Variants in MYO1E observed in about 807,000 individuals in gnomAD.
The protein encoded by MYO1E is myosin IE, also known as unconventional myosin-Ie.
A neutral mutation model predicts 151.1 loss-of-function variants in MYO1E; 68 were observed. That is an observed-to-expected ratio of 0.45 (90% CI 0.37 to 0.55). The LOEUF (loss-of-function observed/expected upper bound fraction) is 0.55. Ranked by LOEUF, MYO1E falls within the 20% of genes least tolerant of loss-of-function variation. The pLI, the probability that MYO1E is intolerant of heterozygous loss-of-function variation, is 0.00. For missense variants in MYO1E, 1,363 were observed against 1,389.3 expected (o/e 0.98, Z 0.30); for synonymous variants, 601 against 501.7 (o/e 1.20, Z -2.64).
At chr15:59,204,841 AG>A (rs1433474364) in intron 15 of MYO1E, among the ~76,000 whole-genome samples, 1 of 152,238 alleles carries the variant, frequency 6.6e-6, no homozygotes, top group African/African-American at 2.4e-5. Context: ...AGAAGAGCTC[AG>A]GGGCAAAGTA....
intron 1 of MYO1E, among the ~76,000 whole-genome samples, chr15:59,281,147 C>T (rs975762279): frequency 7.2e-5 from 11 of 152,208 alleles, no homozygotes; most frequent in Non-Finnish European, 1.0e-4. Flanking sequence ...TTTCAGCCTA[C>T]AGGTTCTTTC....
intron 4 of MYO1E, among the ~76,000 whole-genome samples, chr15:59,243,677 T>C (rs1173098579): frequency 6.6e-6 from 1 of 152,142 alleles, no homozygotes; most frequent in Non-Finnish European, 1.5e-5. Flanking sequence ...GTTCATAGTA[T>C]CAGCAAACTT....
intron 1 of MYO1E, among the ~76,000 whole-genome samples, chr15:59,325,654 A>G (rs550423487): frequency 1.3e-5 from 2 of 152,354 alleles, no homozygotes; most frequent in East Asian, 1.9e-4. Context: ...AAATTAATTT[A>G]GCATTTCTTC....
At position 59,178,543 on chromosome 15, in the gene MYO1E, G is replaced by T; in HGVS notation, c.1905-6C>A. 1 of 1,613,818 alleles carries T rather than the reference G, an allele frequency of 6.2e-7. No individual in the cohort carries two copies. Among genetic ancestry groups the T allele is most frequent in the Middle Eastern group, 1.7e-4 (1 of 6,058 alleles). ...CTTTGGTCAGAATGGCATACCTGTG[G>T]GGACATTGGGGAGAAGAGAATCACA... On this transcript the variant is annotated splice_polypyrimidine_tract_variant and splice_region_variant and intron_variant, in intron 18 of 27. Transcript: ENST00000288235.
intron 18 of MYO1E, among the ~76,000 whole-genome samples, chr15:59,180,083 C>T (rs1347398806): frequency 6.6e-6 from 1 of 152,248 alleles, no homozygotes; most frequent in Non-Finnish European, 1.5e-5. Flanking sequence ...GCCTTCTCTG[C>T]TCCTCTCAAA....
intron 1 of MYO1E, among the ~76,000 whole-genome samples, chr15:59,317,085 G>A (rs1250740299): frequency 6.6e-6 from 1 of 152,084 alleles, no homozygotes; most frequent in African/African-American, 2.4e-5. Flanking sequence ...ATGCCAAAAG[G>A]GGCATGTACA....
chr15:59,300,292 A>ACG (rs201724762), intron 1 of MYO1E, among the ~76,000 whole-genome samples: 4,572 of 146,330 alleles, frequency 0.031, 202 homozygotes, highest in African/African-American at 0.11. Context: ...CCTGCCCAGC[A>ACG]CGCGCACACA....
intron 1 of MYO1E, among the ~76,000 whole-genome samples, chr15:59,344,217 G>C (rs548782339): frequency 2.0e-5 from 3 of 152,242 alleles, no homozygotes; most frequent in African/African-American, 4.8e-5. Context: ...CACCACAGCC[G>C]TATCTGCATT....
intron 22 of MYO1E, among the ~76,000 whole-genome samples, chr15:59,165,418 C>T (rs915083940): frequency 7.2e-5 from 11 of 152,152 alleles, no homozygotes; most frequent in Non-Finnish European, 4.4e-5. Flanking sequence ...AAATAATAGC[C>T]ATTTGGGTGG....
intron 16 of MYO1E, among the ~76,000 whole-genome samples, chr15:59,200,396 T>C (rs1346631763): frequency 6.6e-6 from 1 of 152,252 alleles, no homozygotes; most frequent in African/African-American, 2.4e-5. Context: ...TTCAGCAATC[T>C]GCCCCAGTGA....
At chr15:59,208,458 G>A (rs2079855006) in intron 14 of MYO1E, 2 of 619,110 alleles carry the variant, frequency 3.2e-6, no homozygotes. Flanking sequence ...TCATTTATAT[G>A]CTGTAAAAAA....
intron 1 of MYO1E, among the ~76,000 whole-genome samples, chr15:59,337,089 ATTGT>A (rs1429512860): frequency 1.4e-4 from 21 of 152,116 alleles, no homozygotes; most frequent in African/African-American, 4.1e-4. Flanking sequence ...CAGTTATTGA[ATTGT>A]TTATCTTTTA....
chr15:59,261,388 T>G, intron 3 of MYO1E, 32 bp downstream of exon 3: 10 of 1,471,994 alleles, frequency 6.8e-6, no homozygotes, highest in Non-Finnish European at 9.5e-6. Context: ...AAGCCCTAAA[T>G]AAGGCAGTAA....
chr15:59,168,796 T>G (rs1289492375), intron 22 of MYO1E, among the ~76,000 whole-genome samples: 1 of 152,066 alleles, frequency 6.6e-6, no homozygotes, highest in Non-Finnish European at 1.5e-5. Flanking sequence ...AATTTTCACA[T>G]TTTTTGTAGA....
Position 59,159,715 on chromosome 15 carries a change from C to T in MYO1E, c.2786-1336G>A, listed in dbSNP as rs2140309875. Among the ~76,000 whole-genome samples, 1 of 152,326 alleles carries T rather than the reference C, an allele frequency of 6.6e-6. No individual in the cohort carries two copies. The highest frequency in any genetic ancestry group is 6.5e-5 in the Admixed American group (1 of 15,304). ...TTTTCTGCAAGTACTAACGGATACA[C>T]AGACATACATCAACATTTTCTGAGT... On this transcript the variant is annotated intron_variant, in intron 24 of 27. Transcript: ENST00000288235. This position sits in a 1 kb window ranked among gnomAD's most constrained non-coding sequence, Gnocchi z 4.4.
At chr15:59,220,155 CA>C (rs1386079467) in intron 9 of MYO1E, among the ~76,000 whole-genome samples, 3 of 152,174 alleles carry the variant, frequency 2.0e-5, no homozygotes, top group Non-Finnish European at 4.4e-5. Flanking sequence ...GTAAAAAAAA[CA>C]AAGCTTGTTT....
Position 59,137,399 on chromosome 15 carries a change from T to C in MYO1E, c.3308A>G (p.Asn1103Ser). The change falls in exon 28 of 28, where the codon AAC (asparagine) becomes AGC (serine). Residue 1103 changes from asparagine to serine, a missense_variant. Coordinates refer to ENST00000288235, the MANE Select transcript of MYO1E (RefSeq NM_004998.4). Reference protein sequence around the residue: ...LRGKQGLFPNNYVTKI With the variant: ...LRGKQGLFPNSYVTKI Reference sequence around the variant, plus strand: ...GGCACCTCAGATCTTGGTCACATAGTTGTTGGGGAACAGGCCCTGCTTGCC... The same window carrying C: ...GGCACCTCAGATCTTGGTCACATAGCTGTTGGGGAACAGGCCCTGCTTGCC... 1 of 1,614,200 alleles carries C rather than the reference T, an allele frequency of 6.2e-7. No individual in the cohort carries two copies. The highest frequency in any genetic ancestry group is 8.5e-7 in the Non-Finnish European group (1 of 1,180,022).
rs1409156149 is a variant in MYO1E at position 59,161,105 on chromosome 15, A to G, written c.2753T>C (p.Val918Ala). The G allele has an allele frequency of 1.2e-6, 2 of 1,613,756 alleles. No homozygotes were observed. Among genetic ancestry groups the G allele is most frequent in the East Asian group, 2.2e-5 (1 of 44,838 alleles). Residue 918 changes from valine (V) to alanine (A), a missense_variant, in exon 24 of 28, where the codon GTC becomes GCC. Transcript: ENST00000288235. ...VLKPSNKVLQ[V>A]SIGPGLPKNS... ...CTTGGGCAGTCCAGGTCCGATGCTG[A>G]CCTGCAGCACTTTGTTACTGGGCTT...
At chr15:59,188,814 A>T (rs954554610) in intron 17 of MYO1E, among the ~76,000 whole-genome samples, 2 of 152,228 alleles carry the variant, frequency 1.3e-5, no homozygotes, top group Non-Finnish European at 1.5e-5. Context: ...CACCTAGAGT[A>T]TGAACAAAAA....
Sources: gnomAD v4.1 joint callset for allele counts (sites outside exome capture counted in the v4.1 genomes callset) on GRCh38, gnomAD v4.1.1 for gene constraint, Gnocchi (gnomAD v3.1) non-coding constraint, MANE v1.5 for transcripts, NCBI Gene and HGNC (gene_info 2026-07-23, HGNC 2026-07-21) for gene names.